FAM184B: variants seen among roughly 807,000 people sequenced by gnomAD.
The protein encoded by FAM184B is family with sequence similarity 184 member B.
A neutral mutation model predicts 135.9 loss-of-function variants in FAM184B; 111 were observed. That is an observed-to-expected ratio of 0.82 (90% confidence interval 0.70 to 0.96). The LOEUF (loss-of-function observed/expected upper bound fraction) is 0.96. Ranked by LOEUF, FAM184B falls within the 40% of genes least tolerant of loss-of-function variation. FAM184B has a pLI of 0.00. For synonymous variants in FAM184B, 552 were observed against 524.8 expected, an observed-to-expected ratio of 1.05 and a Z score of -0.71; for missense variants, 1,375 against 1,323.9, an observed-to-expected ratio of 1.04 and a Z score of -0.60.
chr4:17,765,778 T>A (rs1212877822), intron 1 of FAM184B, among the ~76,000 whole-genome samples: 1 of 152,110 alleles, frequency 6.6e-6, no homozygotes, highest in Non-Finnish European at 1.5e-5. Flanking sequence ...TCCTGATGAG[T>A]GTTACAGTAC....
At position 17,651,561 on chromosome 4, in the gene FAM184B, A is replaced by AAG. The variant is rs1553829627; in HGVS notation, c.2191+1268_2191+1269insCT. On this transcript the variant is annotated intron_variant, in intron 11 of 17. Coordinates refer to ENST00000265018, the MANE Select transcript of FAM184B (RefSeq NM_015688.2). Reference sequence around the variant, plus strand: ...TCAAAAAAAAAAAAAAAAAAAAAAAAAAGAAGAAAAGAAACATTCAGTCAT... The same window carrying AAG: ...TCAAAAAAAAAAAAAAAAAAAAAAAAAGAAGAAGAAAAGAAACATTCAGTCAT... Among the ~76,000 whole-genome samples, 57 of 151,094 alleles carry AAG rather than the reference A, an allele frequency of 3.8e-4. 1 individual carries two copies. Among genetic ancestry groups the AAG allele is most frequent in the African/African-American group, 1.3e-3 (53 of 41,198 alleles).
Position 17,647,704 on chromosome 4 carries a change from G to C in FAM184B, c.2279C>G (p.Ala760Gly). Residue 760 changes from alanine to glycine, a missense_variant, in exon 12 of 18, where the codon GCT (alanine) becomes GGT (glycine). Transcript: ENST00000265018. ...DLEALQAELRALGRQQASSQC... is the reference protein window; with the variant it reads ...DLEALQAELRGLGRQQASSQC... ...GCTGCTGGCTTGCTGTCTGCCCAGA[G>C]CCCTCAGCTCGGCCTGCAGTGCCTC... The C allele has an allele frequency of 6.4e-7, 1 of 1,551,022 alleles. No homozygotes were observed. Among genetic ancestry groups the C allele is most frequent in the South Asian group, 1.2e-5 (1 of 84,032 alleles).
intron 1 of FAM184B, among the ~76,000 whole-genome samples, chr4:17,737,132 G>T (rs902297934): frequency 6.6e-6 from 1 of 151,060 alleles, no homozygotes; most frequent in Non-Finnish European, 1.5e-5. Context: ...CAACAAGAGT[G>T]AGACTTCGTC....
At chr4:17,641,141 C>A (rs1193272656) in intron 13 of FAM184B, among the ~76,000 whole-genome samples, 2 of 152,100 alleles carry the variant, frequency 1.3e-5, no homozygotes, top group Admixed American at 1.3e-4. Context: ...ACTATGTTGC[C>A]CAGGCTGGTC....
intron 1 of FAM184B, among the ~76,000 whole-genome samples, chr4:17,744,754 A>G (rs1462863230): frequency 2.0e-5 from 3 of 152,064 alleles, no homozygotes; most frequent in Non-Finnish European, 1.5e-5. Flanking sequence ...AAAGCCACCA[A>G]CTGCCCTAGT....
intron 10 of FAM184B, among the ~76,000 whole-genome samples, chr4:17,655,689 C>A (rs143228362): frequency 6.6e-6 from 1 of 152,184 alleles, no homozygotes; most frequent in Non-Finnish European, 1.5e-5. Flanking sequence ...AGGTAAGCTA[C>A]GTAAGGACAC....
At chr4:17,704,468 C>T (rs1172952799) in intron 5 of FAM184B, among the ~76,000 whole-genome samples, 1 of 152,174 alleles carries the variant, frequency 6.6e-6, no homozygotes. Flanking sequence ...CTTGTGTCTT[C>T]ACGTGGTTCC....
chr4:17,727,433 C>G (rs952459703), intron 1 of FAM184B, among the ~76,000 whole-genome samples: 1 of 152,178 alleles, frequency 6.6e-6, no homozygotes, highest in East Asian at 1.9e-4. Context: ...ATGTATTAGT[C>G]TGTTCTCACA....
intron 11 of FAM184B, among the ~76,000 whole-genome samples, chr4:17,650,182 GTCCA>G (rs548409980): frequency 4.7e-5 from 7 of 150,390 alleles, no homozygotes; most frequent in African/African-American, 1.7e-4. Flanking sequence ...CCATCCACTT[GTCCA>G]TCCATCCATC....
At chr4:17,688,723 G>GCT (rs1406573096) in intron 6 of FAM184B, among the ~76,000 whole-genome samples, 192 bp from the exon 7 acceptor site, 1 of 112,330 alleles carries the variant, frequency 8.9e-6, no homozygotes, top group African/African-American at 3.5e-5. Flanking sequence ...CCAGGGTCTT[G>GCT]CTCTGTCACC....
intron 12 of FAM184B, among the ~76,000 whole-genome samples, chr4:17,645,419 A>G (rs1031545653): frequency 7.9e-5 from 12 of 152,170 alleles, no homozygotes; most frequent in African/African-American, 2.7e-4. Context: ...CAGAAATAAT[A>G]CCACATATCT....
At chr4:17,684,467 G>A (rs28553924) in intron 7 of FAM184B, among the ~76,000 whole-genome samples, 34,008 of 151,938 alleles carry the variant, frequency 0.22, 4,671 homozygotes, top group East Asian at 0.6. Flanking sequence ...AAAGAGGCCC[G>A]CATTTGAAAG....
intron 1 of FAM184B, among the ~76,000 whole-genome samples, chr4:17,746,201 C>T (rs1430179235): frequency 8.6e-5 from 13 of 151,766 alleles, no homozygotes; most frequent in African/African-American, 2.2e-4. Flanking sequence ...CCAGGTGATC[C>T]GCCCACCTCG....
At chr4:17,716,179 T>C (rs533749965) in intron 1 of FAM184B, among the ~76,000 whole-genome samples, 42 of 152,298 alleles carry the variant, frequency 2.8e-4, no homozygotes, top group Middle Eastern at 3.4e-3. Context: ...AATGTGGAGA[T>C]GTGTGCAAGT....
At chr4:17,655,120 A>C (rs1368756660) in intron 10 of FAM184B, among the ~76,000 whole-genome samples, 2 of 152,220 alleles carry the variant, frequency 1.3e-5, no homozygotes, top group African/African-American at 4.8e-5. Flanking sequence ...TTCTGGGATT[A>C]CAGGCGTGAG....
rs979667594 is a variant in FAM184B, at chr4:17,629,483, C to G, written c.*3049G>C. 1.3e-5 allele frequency: 2 copies of G among 152,172 alleles called. No individual in the cohort carries two copies. The highest frequency in any genetic ancestry group is 4.8e-5 in the African/African-American group (2 of 41,432). 9.4% of individuals were successfully genotyped at this position (152,172 alleles called of 1,614,324 possible). On this transcript the variant is annotated 3_prime_UTR_variant, in exon 18 of 18. Coordinates refer to ENST00000265018, the MANE Select transcript of FAM184B (RefSeq NM_015688.2). ...AGGGCTCAGGTATGTGGTGTGCAGC[C>G]ATTGACTGGGTGAATCCATTTTTAC...
intron 8 of FAM184B, among the ~76,000 whole-genome samples, chr4:17,663,545 A>T (rs1715966917): frequency 6.6e-6 from 1 of 152,078 alleles, no homozygotes. Flanking sequence ...GATGTGCAAA[A>T]ATCACTAACA....
At chr4:17,739,618 A>T (rs567428778) in intron 1 of FAM184B, among the ~76,000 whole-genome samples, 15 of 124,090 alleles carry the variant, frequency 1.2e-4, no homozygotes, top group African/African-American at 4.3e-4. Flanking sequence ...CAGTGGCGCC[A>T]TCTTGGCTCA....
intron 1 of FAM184B, among the ~76,000 whole-genome samples, chr4:17,756,482 T>C (rs1718424618): frequency 6.6e-6 from 1 of 152,198 alleles, no homozygotes; most frequent in South Asian, 2.1e-4. Context: ...CTTTGGAGGA[T>C]GTAAGGAAAA....
Sources: gnomAD v4.1 joint callset for allele counts (sites outside exome capture counted in the v4.1 genomes callset) on GRCh38, gnomAD v4.1.1 for gene constraint, MANE v1.5 for transcripts, NCBI Gene and HGNC (gene_info 2026-07-23, HGNC 2026-07-21) for gene names.